ELOVL7: variants seen among roughly 807,000 people sequenced by gnomAD.
ELOVL7 encodes the protein very long chain fatty acid elongase 7.
A neutral mutation model predicts 35.7 loss-of-function variants in ELOVL7; 27 were observed. That is an observed-to-expected ratio of 0.76 (90% CI 0.56 to 1.04). The LOEUF (loss-of-function observed/expected upper bound fraction) is 1.04. Among genes scored for constraint, ELOVL7 ranks in the 50% least tolerant of loss-of-function variants. The probability of loss-of-function intolerance (pLI) is 0.00; values close to 1 mark genes in which losing one functional copy is unlikely to be tolerated. For synonymous variants in ELOVL7, 113 were observed against 114.6 expected (o/e 0.99, Z 0.09); for missense variants, 327 against 340.8 (o/e 0.96, Z 0.32).
At chr5:60,761,397 G>A (rs1403752595) in intron 7 of ELOVL7, among the ~76,000 whole-genome samples, 2 of 152,124 alleles carry the variant, frequency 1.3e-5, no homozygotes, top group Non-Finnish European at 2.9e-5. Context: ...GAGATCAGCT[G>A]TGCTCAAGTT....
intron 1 of ELOVL7, among the ~76,000 whole-genome samples, chr5:60,822,027 T>C (rs923220139): frequency 6.6e-6 from 1 of 152,260 alleles, no homozygotes; most frequent in Non-Finnish European, 1.5e-5. Context: ...TGTTCTTACC[T>C]TCCTCCTTTT....
chr5:60,786,312 T>C (rs992367253), intron 3 of ELOVL7, among the ~76,000 whole-genome samples: 10 of 152,146 alleles, frequency 6.6e-5, no homozygotes, highest in African/African-American at 2.4e-4. Context: ...CTTTAAAAAA[T>C]GGTTATAAAA....
At chr5:60,802,117 T>TATACAC (rs1744677197) in intron 1 of ELOVL7, among the ~76,000 whole-genome samples, 1 of 12,114 alleles carries the variant, frequency 8.3e-5, no homozygotes, top group Non-Finnish European at 2.3e-4. Flanking sequence ...TATATATATA[T>TATACAC]ACACACACAC....
chr5:60,768,627 T>C (rs1579788648), intron 4 of ELOVL7: 2 of 450,534 alleles, frequency 4.4e-6, no homozygotes, highest in East Asian at 1.4e-4. Context: ...AATTCAAAGA[T>C]TATAAAGATT....
At position 60,754,602 on chromosome 5, in the gene ELOVL7, G is replaced by A. The variant is rs754973632; in HGVS notation, c.*22C>T. ...TCAAGGAAGACAATGTATCAGTTTC[G>A]ATCATAGACTTATGTTGGGCTTCAA... On this transcript the variant is annotated 3_prime_UTR_variant, in exon 9 of 9. Transcript: ENST00000508821. The A allele has an allele frequency of 1.2e-5, 19 of 1,602,814 alleles. 1 individual carries two copies. The highest frequency in any genetic ancestry group is 4.5e-5 in the East Asian group (2 of 44,836).
intron 1 of ELOVL7, among the ~76,000 whole-genome samples, chr5:60,842,752 A>G (rs1222910790): frequency 6.6e-6 from 1 of 152,182 alleles, no homozygotes; most frequent in East Asian, 1.9e-4. Context: ...GGCCTTGGGC[A>G]AGTTACTTAA....
At chr5:60,835,105 A>G (rs1056952976) in intron 1 of ELOVL7, among the ~76,000 whole-genome samples, 2 of 151,382 alleles carry the variant, frequency 1.3e-5, no homozygotes, top group African/African-American at 4.9e-5. Context: ...TGGGAGGATC[A>G]ATTGAGCCCG....
intron 1 of ELOVL7, among the ~76,000 whole-genome samples, chr5:60,811,646 A>T (rs1745242521): frequency 6.6e-6 from 1 of 152,092 alleles, no homozygotes; most frequent in Non-Finnish European, 1.5e-5. Flanking sequence ...TTACCAGGAG[A>T]GTGAGTCTGT....
chr5:60,762,436 T>C (rs1428148307), intron 7 of ELOVL7, among the ~76,000 whole-genome samples: 2 of 152,098 alleles, frequency 1.3e-5, no homozygotes, highest in Non-Finnish European at 2.9e-5. Context: ...CTCAATTGTA[T>C]TCATTAAATA....
chr5:60,818,864 TG>T (rs1745694861), intron 1 of ELOVL7, among the ~76,000 whole-genome samples: 1 of 150,914 alleles, frequency 6.6e-6, no homozygotes, highest in Non-Finnish European at 1.5e-5. Flanking sequence ...AAAAATTAGC[TG>T]GGCATGGTGG....
At chr5:60,818,123 G>T (rs1026699335) in intron 1 of ELOVL7, among the ~76,000 whole-genome samples, 8 of 151,750 alleles carry the variant, frequency 5.3e-5, no homozygotes, top group Admixed American at 4.6e-4. Context: ...TTCGAGACCA[G>T]CCTGGCCAAC....
At chr5:60,843,820 C>G (rs574654068) in intron 1 of ELOVL7, among the ~76,000 whole-genome samples, 49 of 152,096 alleles carry the variant, frequency 3.2e-4, no homozygotes, top group African/African-American at 1.1e-3. Flanking sequence ...GCGCGCCCAC[C>G]GGGCCCGACC....
intron 2 of ELOVL7, among the ~76,000 whole-genome samples, chr5:60,791,345 T>G (rs1214939607): frequency 6.6e-6 from 1 of 152,022 alleles, no homozygotes; most frequent in African/African-American, 2.4e-5. Flanking sequence ...ACATAAAGAT[T>G]AGACACTGGG....
At chr5:60,819,462 G>A (rs1437682227) in intron 1 of ELOVL7, among the ~76,000 whole-genome samples, 1 of 152,040 alleles carries the variant, frequency 6.6e-6, no homozygotes, top group Non-Finnish European at 1.5e-5. Flanking sequence ...CAAATGAGAG[G>A]TGCTAGAATG....
At chr5:60,816,367 C>T (rs1004377758) in intron 1 of ELOVL7, among the ~76,000 whole-genome samples, 2 of 128,524 alleles carry the variant, frequency 1.6e-5, no homozygotes, top group African/African-American at 3.0e-5. Context: ...AGCAACAGAG[C>T]GAGACTCCAT....
intron 1 of ELOVL7, among the ~76,000 whole-genome samples, chr5:60,814,875 T>C (rs1435231248): frequency 2.0e-5 from 3 of 152,208 alleles, no homozygotes; most frequent in Non-Finnish European, 4.4e-5. Context: ...TAATTGTGAA[T>C]GGTAAGCAGA....
chr5:60,828,632 T>C (rs1746311591), intron 1 of ELOVL7, among the ~76,000 whole-genome samples: 1 of 152,162 alleles, frequency 6.6e-6, no homozygotes. Flanking sequence ...TCATTAGGCA[T>C]AGGTGAACAC....
intron 1 of ELOVL7, among the ~76,000 whole-genome samples, chr5:60,804,921 C>A (rs1264577045): frequency 6.6e-6 from 1 of 152,112 alleles, no homozygotes; most frequent in Non-Finnish European, 1.5e-5. Context: ...AATATGGTTC[C>A]TAAATTCAAA....
Position 60,771,927 on chromosome 5 carries a change from G to A in ELOVL7, c.231C>T (p.Leu77=). ...CCTCATAACACATATACACAGAAAA[G>A]AGTACTATGAAAAAATTGTACGTTA... The part of the protein sequence containing the change: ...AMITYNFFIV[L]FSVYMCYEFV... The change falls in exon 4 of 9, where the codon CTC becomes CTT. Residue 77 remains leucine, a synonymous_variant. Coordinates refer to ENST00000508821, the MANE Select transcript of ELOVL7 (RefSeq NM_024930.3). 6.2e-7 allele frequency: 1 copy of A among 1,612,560 alleles called. No individual in the cohort carries two copies. Among genetic ancestry groups the A allele is most frequent in the Non-Finnish European group, 8.5e-7 (1 of 1,179,304 alleles).
Sources: gnomAD v4.1 joint callset for allele counts (sites outside exome capture counted in the v4.1 genomes callset) on GRCh38, gnomAD v4.1.1 for gene constraint, MANE v1.5 for transcripts, NCBI Gene and HGNC (gene_info 2026-07-23, HGNC 2026-07-21) for gene names.